CNTNAP2: variants seen among roughly 807,000 people sequenced by gnomAD.
The protein encoded by CNTNAP2 is contactin-associated protein-like 2.
Under a neutral mutation model 155.2 loss-of-function variants are expected in CNTNAP2, and 98 were observed. That is an observed-to-expected ratio of 0.63 (90% confidence interval 0.54 to 0.75). CNTNAP2 has a LOEUF of 0.75. Ranked by LOEUF, CNTNAP2 falls within the 30% of genes least tolerant of loss-of-function variation. The probability of loss-of-function intolerance (pLI) is 0.00; values close to 1 mark genes in which losing one functional copy is unlikely to be tolerated. For missense variants in CNTNAP2, 1,727 were observed against 1,688.1 expected, an observed-to-expected ratio of 1.02 and a Z score of -0.40; for synonymous variants, 651 against 631.2, an observed-to-expected ratio of 1.03 and a Z score of -0.47.
intron 3 of CNTNAP2, among the ~76,000 whole-genome samples, chr7:147,003,629 T>C (rs1798469458): frequency 6.6e-6 from 1 of 151,988 alleles, no homozygotes; most frequent in Admixed American, 6.6e-5. Flanking sequence ...TTTAGAGATA[T>C]ATATAAGATA....
At chr7:146,166,997 G>C (rs991125746) in intron 1 of CNTNAP2, among the ~76,000 whole-genome samples, 7 of 152,196 alleles carry the variant, frequency 4.6e-5, no homozygotes, top group Admixed American at 4.6e-4. Flanking sequence ...GACATGTAGG[G>C]GGAAGGAATC....
intron 3 of CNTNAP2, among the ~76,000 whole-genome samples, chr7:146,917,809 G>A (rs188103400): frequency 6.4e-4 from 97 of 152,208 alleles, no homozygotes; most frequent in African/African-American, 2.3e-3. Context: ...ACATGACTTT[G>A]CACCTCCTTG....
chr7:146,988,540 T>C (rs1338509083), intron 3 of CNTNAP2, among the ~76,000 whole-genome samples: 2 of 152,158 alleles, frequency 1.3e-5, no homozygotes, highest in African/African-American at 4.8e-5. Flanking sequence ...AAATTCTCTA[T>C]TGTCCCCACG....
intron 9 of CNTNAP2, among the ~76,000 whole-genome samples, chr7:147,391,333 G>C (rs775305868): frequency 6.6e-6 from 1 of 152,082 alleles, no homozygotes. Context: ...TCTGCCCTCT[G>C]TGTTAGTTCT....
chr7:146,627,604 GA>G (rs1799441283), intron 1 of CNTNAP2, among the ~76,000 whole-genome samples: 1 of 151,986 alleles, frequency 6.6e-6, no homozygotes, highest in South Asian at 2.1e-4. Context: ...ATTGAGAGTA[GA>G]ATTTTAATTT....
Position 146,851,650 on chromosome 7 carries a change from C to CTGTGTGTGTGTG in CNTNAP2, c.402+11786_402+11797dup, listed in dbSNP as rs71165041. Among the ~76,000 whole-genome samples the CTGTGTGTGTGTG allele has an allele frequency of 6.0e-5, 8 of 133,122 alleles. No individual in the cohort carries two copies. In the East Asian group the frequency reaches 7.1e-4, roughly 12 times the overall value. 87.3% of individuals were successfully genotyped at this position (133,122 alleles called of 152,430 possible). A position where few individuals can be genotyped will look rare whatever the true frequency, so the allele number is the denominator to read the frequency against. On this transcript the variant is annotated intron_variant, in intron 3 of 23. Coordinates refer to ENST00000361727, the MANE Select transcript of CNTNAP2 (RefSeq NM_014141.6). ...TGTGTTGCTTTATATCATCTTTCTTCTGTGTGTGTGTGTGTGTGTGTGTGT... is the reference window on the plus strand; with the variant it reads ...TGTGTTGCTTTATATCATCTTTCTTCTGTGTGTGTGTGTGTGTGTGTGTGTGTGTGTGTGTGT...
At chr7:146,595,506 C>T (rs536756856) in intron 1 of CNTNAP2, among the ~76,000 whole-genome samples, 1 of 152,130 alleles carries the variant, frequency 6.6e-6, no homozygotes, top group African/African-American at 2.4e-5. Context: ...CACTAATTCA[C>T]AGTCTAAAAT....
intron 13 of CNTNAP2, among the ~76,000 whole-genome samples, chr7:147,839,763 C>A (rs1177688188): frequency 1.3e-5 from 2 of 152,082 alleles, no homozygotes; most frequent in Non-Finnish European, 2.9e-5. Context: ...TAAAAGAAAT[C>A]ATTATATAAA....
chr7:146,830,697 G>A (rs1043999916), intron 2 of CNTNAP2, among the ~76,000 whole-genome samples: 14 of 152,080 alleles, frequency 9.2e-5, no homozygotes, highest in Non-Finnish European at 2.1e-4. Flanking sequence ...AACTGTACTG[G>A]TATAGGTTCA....
At chr7:148,361,114 T>A (rs1307946613) in intron 21 of CNTNAP2, among the ~76,000 whole-genome samples, 1 of 152,206 alleles carries the variant, frequency 6.6e-6, no homozygotes, top group Non-Finnish European at 1.5e-5. Flanking sequence ...AGCCTAGAGT[T>A]GTTTTAATTT....
At chr7:146,701,059 A>G (rs1239550894) in intron 1 of CNTNAP2, among the ~76,000 whole-genome samples, 1 of 152,170 alleles carries the variant, frequency 6.6e-6, no homozygotes, top group East Asian at 1.9e-4. Flanking sequence ...AAAAAAAAGT[A>G]GATCAAACAA....
At chr7:147,038,447 A>T (rs1799199599) in intron 3 of CNTNAP2, among the ~76,000 whole-genome samples, 1 of 152,224 alleles carries the variant, frequency 6.6e-6, no homozygotes, top group Admixed American at 6.5e-5. Context: ...AAACAGATCA[A>T]ATAATCCAAA....
intron 16 of CNTNAP2, among the ~76,000 whole-genome samples, chr7:148,122,650 A>G (rs1804624387): frequency 6.6e-6 from 1 of 152,128 alleles, no homozygotes; most frequent in South Asian, 2.1e-4. Context: ...GCCAGGGCGT[A>G]ACTTGATCAG....
At chr7:147,424,699 C>T (rs1400859883) in intron 10 of CNTNAP2, among the ~76,000 whole-genome samples, 1 of 152,122 alleles carries the variant, frequency 6.6e-6, no homozygotes, top group African/African-American at 2.4e-5. Context: ...CTGCCTGCTC[C>T]CAGTCAGCAC....
intron 2 of CNTNAP2, among the ~76,000 whole-genome samples, chr7:146,781,100 C>T (rs991829669): frequency 1.3e-4 from 20 of 151,930 alleles, no homozygotes; most frequent in African/African-American, 4.6e-4. Flanking sequence ...TGGTGGCTGG[C>T]GCCTGTAGTC....
chr7:147,119,915 C>A (rs1382812099), intron 5 of CNTNAP2, among the ~76,000 whole-genome samples: 2 of 152,080 alleles, frequency 1.3e-5, no homozygotes, highest in East Asian at 3.9e-4. Flanking sequence ...AAAAGCAATT[C>A]TTGAATAGAC....
At chr7:148,215,094 A>C (rs1478674549) in intron 18 of CNTNAP2, among the ~76,000 whole-genome samples, 1 of 152,218 alleles carries the variant, frequency 6.6e-6, no homozygotes, top group Non-Finnish European at 1.5e-5. Context: ...GGTGAGAAGC[A>C]ATGGACTCCG....
intron 3 of CNTNAP2, among the ~76,000 whole-genome samples, chr7:146,972,209 T>C (rs188576576): frequency 5.9e-5 from 9 of 152,314 alleles, no homozygotes; most frequent in Non-Finnish European, 1.2e-4. Context: ...TCAACAAATA[T>C]GATTTTATCA....
intron 4 of CNTNAP2, among the ~76,000 whole-genome samples, chr7:147,066,572 T>C (rs767187848): frequency 6.6e-6 from 1 of 152,268 alleles, no homozygotes; most frequent in Admixed American, 6.5e-5. Context: ...AAATTCTTGC[T>C]GTGTTCATTC....
Sources: allele counts gnomAD v4.1 joint callset (sites outside exome capture counted in the v4.1 genomes callset), GRCh38; gene constraint gnomAD v4.1.1; transcripts MANE v1.5; gene names NCBI Gene and HGNC (gene_info 2026-07-23, HGNC 2026-07-21).